SETDB2: variants seen among roughly 807,000 people sequenced by gnomAD.
SETDB2 encodes the protein SET domain bifurcated histone lysine methyltransferase 2.
SETDB2 carries 56 observed loss-of-function variants against 82.5 expected under a neutral mutation model. That is an observed-to-expected ratio of 0.68 (90% CI 0.55 to 0.85). SETDB2 has a LOEUF of 0.85. Among genes scored for constraint, SETDB2 ranks in the 40% least tolerant of loss-of-function variants. The pLI, the probability that SETDB2 is intolerant of heterozygous loss-of-function variation, is 0.00. For missense variants in SETDB2, 677 were observed against 816.4 expected (o/e 0.83, Z 2.08); for synonymous variants, 272 against 284.9 (o/e 0.95, Z 0.46).
At chr13:49,460,811 A>T (rs1048656638) in intron 3 of SETDB2, among the ~76,000 whole-genome samples, 18 of 152,138 alleles carry the variant, frequency 1.2e-4, no homozygotes, top group Non-Finnish European at 2.5e-4. Context: ...TTATGTGTTT[A>T]TCAAAAAAAA....
chr13:49,486,194 A>C (rs1958595038), intron 11 of SETDB2, among the ~76,000 whole-genome samples: 1 of 151,788 alleles, frequency 6.6e-6, no homozygotes, highest in African/African-American at 2.4e-5. Flanking sequence ...GGTCTTAGCT[A>C]CTCAGGGGGC....
chr13:49,460,028 ATTG>A, intron 2 of SETDB2, 76 bp from the exon 3 acceptor site: 1 of 1,418,862 alleles, frequency 7.0e-7, no homozygotes, highest in Non-Finnish European at 9.6e-7. Flanking sequence ...AACCAAGTAG[ATTG>A]TTCTATAACA....
At chr13:49,457,215 C>CCT (rs1555270382) in intron 2 of SETDB2, among the ~76,000 whole-genome samples, 818 of 80,988 alleles carry the variant, frequency 0.01, 8 homozygotes, top group African/African-American at 0.03. Context: ...ATTTCTAAGA[C>CCT]TTTTTTTTTT....
intron 2 of SETDB2, among the ~76,000 whole-genome samples, chr13:49,453,755 C>T (rs559183722): frequency 6.6e-6 from 1 of 152,222 alleles, no homozygotes; most frequent in East Asian, 1.9e-4. Flanking sequence ...CTTGAATAAC[C>T]TGTCAATATT....
chr13:49,479,968 G>A lies in SETDB2; in HGVS notation c.870-251G>A, dbSNP rs545811960. Among the ~76,000 whole-genome samples the A allele has an allele frequency of 2.4e-4, 36 of 152,326 alleles. No homozygotes were observed. The South Asian group carries it at 7.2e-3, about 31-fold the overall frequency. ...AAATTAAAGGAATTGATTTTGGAAA[G>A]CTAAACTCATATAGTTAAGTATTTC... On this transcript the variant is annotated intron_variant, in intron 6 of 13. Transcript: ENST00000611815.
chr13:49,480,231 A>T lies in SETDB2; in HGVS notation c.882A>T (p.Ala294=). 1 of 1,605,998 alleles carries T rather than the reference A, an allele frequency of 6.2e-7. No individual in the cohort carries two copies. Among genetic ancestry groups the T allele is most frequent in the Admixed American group, 1.7e-5 (1 of 57,572 alleles). ...GCCTGCCTTTTAGAACAAAATGTGC[A>T]TGTCTTCAACTGACAGCAAGGAATG... The part of the protein sequence containing the change: ...SEGCIDITKC[A]CLQLTARNAK... Residue 294 remains alanine (A), a synonymous_variant, in exon 7 of 14, where the codon GCA becomes GCT. Coordinates refer to ENST00000611815, the MANE Select transcript of SETDB2 (RefSeq NM_001160308.3).
Position 49,481,296 on chromosome 13 carries a change from G to A in SETDB2, c.1156+180G>A, listed in dbSNP as rs80284894. 4.0e-3 allele frequency among the ~76,000 whole-genome samples: 613 copies of A among 152,272 alleles called. 5 individuals are homozygous for A. The highest frequency in any genetic ancestry group is 0.014 in the African/African-American group (584 of 41,554). The stretch of plus-strand genomic sequence containing the variant: ...GAGCACTAAAGAGATGAGATGCTTA[G>A]GAGGTACTTTCTTCAAGAAAAGAAA... On this transcript the variant is annotated intron_variant, in intron 8 of 13. Transcript: ENST00000611815.
intron 2 of SETDB2, among the ~76,000 whole-genome samples, chr13:49,454,252 A>G (rs1395402011): frequency 6.6e-6 from 1 of 152,070 alleles, no homozygotes; most frequent in African/African-American, 2.4e-5. Context: ...AAAAAAAAAT[A>G]ATAATAGTAA....
intron 4 of SETDB2, among the ~76,000 whole-genome samples, chr13:49,465,100 A>AT (rs1958076342): frequency 6.6e-6 from 1 of 151,658 alleles, no homozygotes; most frequent in Non-Finnish European, 1.5e-5. Flanking sequence ...TCACGCTAGC[A>AT]TTTATTTTAA....
chr13:49,450,179 C>T (rs1470595681), intron 1 of SETDB2, among the ~76,000 whole-genome samples: 1 of 152,158 alleles, frequency 6.6e-6, no homozygotes, highest in East Asian at 1.9e-4. Flanking sequence ...AGAATTTTAT[C>T]CTGGTTGGTA....
At chr13:49,479,808 CT>C (rs1958443629) in intron 6 of SETDB2, among the ~76,000 whole-genome samples, 1 of 152,190 alleles carries the variant, frequency 6.6e-6, no homozygotes, top group African/African-American at 2.4e-5. Flanking sequence ...CAGTCTGTTT[CT>C]GTCACTGGAG....
At chr13:49,486,204 C>T (rs1958595222) in intron 11 of SETDB2, among the ~76,000 whole-genome samples, 1 of 151,328 alleles carries the variant, frequency 6.6e-6, no homozygotes, top group Admixed American at 6.6e-5. Context: ...ACTCAGGGGG[C>T]TGAGGTGGGA....
chr13:49,462,849 G>GT (rs1958023941), intron 4 of SETDB2, among the ~76,000 whole-genome samples: 1 of 152,128 alleles, frequency 6.6e-6, no homozygotes, highest in Non-Finnish European at 1.5e-5. Flanking sequence ...TAGAAGAGTA[G>GT]TTTCTTGAAG....
At chr13:49,485,282 A>G (rs1958575624) in intron 10 of SETDB2, among the ~76,000 whole-genome samples, 1 of 152,246 alleles carries the variant, frequency 6.6e-6, no homozygotes, top group African/African-American at 2.4e-5. Context: ...TACACAACTT[A>G]CAGTTGAAGG....
intron 2 of SETDB2, among the ~76,000 whole-genome samples, chr13:49,455,357 A>C (rs1306130853): frequency 6.6e-6 from 1 of 152,174 alleles, no homozygotes; most frequent in Non-Finnish European, 1.5e-5. Context: ...CATATCATTG[A>C]GTATTTTTAC....
intron 5 of SETDB2, among the ~76,000 whole-genome samples, chr13:49,475,330 C>T (rs1958334076): frequency 6.6e-6 from 1 of 152,218 alleles, no homozygotes; most frequent in East Asian, 1.9e-4. Context: ...GGTAGGGACA[C>T]AGCCAAACCA....
chr13:49,466,386 T>G (rs1400745475), intron 4 of SETDB2, among the ~76,000 whole-genome samples: 1 of 151,316 alleles, frequency 6.6e-6, no homozygotes, highest in Non-Finnish European at 1.5e-5. Context: ...AGTGAGCTTA[T>G]GATCACATCA....
chr13:49,483,175 ACTT>A (rs1958513178), intron 9 of SETDB2, among the ~76,000 whole-genome samples: 1 of 152,054 alleles, frequency 6.6e-6, no homozygotes, highest in Non-Finnish European at 1.5e-5. Flanking sequence ...ACCTTATATG[ACTT>A]TAGTCAGGTT....
intron 6 of SETDB2, 152 bp downstream of exon 6, chr13:49,477,191 T>C: frequency 5.8e-6 from 4 of 693,850 alleles, no homozygotes; most frequent in Non-Finnish European, 9.0e-6. Flanking sequence ...ATCCCAGCAC[T>C]TTTGGGAGAC....
Sources: allele counts gnomAD v4.1 joint callset (sites outside exome capture counted in the v4.1 genomes callset), GRCh38; gene constraint gnomAD v4.1.1; transcripts MANE v1.5; gene names NCBI Gene and HGNC (gene_info 2026-07-23, HGNC 2026-07-21).